TRIM62: variants seen among roughly 807,000 people sequenced by gnomAD.
The protein encoded by TRIM62 is E3 ubiquitin-protein ligase TRIM62.
TRIM62 carries 39 observed loss-of-function variants against 44.2 expected under a neutral mutation model. The observed-to-expected ratio is 0.88, with a 90% CI of 0.68 to 1.15. The LOEUF (loss-of-function observed/expected upper bound fraction) is 1.15. Among genes scored for constraint, TRIM62 ranks in the 50% most tolerant of loss-of-function variants. TRIM62 has a pLI of 0.00. For missense variants in TRIM62, 544 were observed against 665.5 expected, an observed-to-expected ratio of 0.82 and a Z score of 2.01; for synonymous variants, 278 against 292.3, an observed-to-expected ratio of 0.95 and a Z score of 0.50.
intron 1 of TRIM62, among the ~76,000 whole-genome samples, chr1:33,180,622 C>A (rs537921367): frequency 1.1e-4 from 16 of 152,352 alleles, no homozygotes; most frequent in Non-Finnish European, 1.5e-4. Flanking sequence ...CGCGACCTCG[C>A]CCTCAGTCTG....
rs1045083656 is a variant in TRIM62, at chr1:33,169,128, C to T, written c.409-3562G>A. ...GGAGAGATGAGGTGTGAGTCCTAAACGTGATGCCACGAGGTGTGCATGTGT... is the reference window on the plus strand; with the variant it reads ...GGAGAGATGAGGTGTGAGTCCTAAATGTGATGCCACGAGGTGTGCATGTGT... On this transcript the variant is annotated intron_variant, in intron 1 of 4. Transcript: ENST00000291416. Among the ~76,000 whole-genome samples the T allele has an allele frequency of 5.3e-5, 8 of 152,114 alleles. No homozygotes were observed. In the East Asian group the frequency reaches 5.8e-4, roughly 11 times the overall value.
rs1460600917 is a variant in TRIM62 at position 33,177,772 on chromosome 1, CCAAATGT to C, written c.408+3246_408+3252del. 6.6e-6 allele frequency among the ~76,000 whole-genome samples: 1 copy of C among 152,098 alleles called. No homozygotes were observed. Among genetic ancestry groups the C allele is most frequent in the Non-Finnish European group, 1.5e-5 (1 of 68,032 alleles). ...GGCCCTGCACAACAGTTATCTAGCC[CCAAATGT>C]CAATAATGCCGAGTACGATGTAACC... On this transcript the variant is annotated intron_variant, in intron 1 of 4. Transcript: ENST00000291416. This position sits in a 1 kb window ranked among gnomAD's most constrained non-coding sequence, Gnocchi z 4.1.
intron 4 of TRIM62, among the ~76,000 whole-genome samples, chr1:33,149,201 G>A (rs983541598): frequency 1.3e-5 from 2 of 152,280 alleles, no homozygotes; most frequent in Non-Finnish European, 2.9e-5. Flanking sequence ...CCCCCAGGCG[G>A]GAATGCAGTG....
At chr1:33,162,056 C>T (rs116590128) in intron 2 of TRIM62, among the ~76,000 whole-genome samples, 1,669 of 152,266 alleles carry the variant, frequency 0.011, 36 homozygotes, top group African/African-American at 0.038. Flanking sequence ...CTCTGGGGTC[C>T]CACAGGTCTT....
chr1:33,166,444 T>C (rs551666951), intron 1 of TRIM62: 197 of 151,862 alleles, frequency 1.3e-3, no homozygotes, highest in African/African-American at 4.7e-3. Flanking sequence ...AGTCCAATGC[T>C]ACAGACTAGC....
At position 33,181,360 on chromosome 1, in the gene TRIM62, C is replaced by T. The variant is rs1645462623; in HGVS notation, c.73G>A (p.Gly25Ser). The T allele has an allele frequency of 1.5e-5, 24 of 1,595,630 alleles. No homozygotes were observed. The highest frequency in any genetic ancestry group is 2.0e-5 in the Non-Finnish European group (24 of 1,174,350). ...CGGCGGCAGAAGTAATGCTCGCAGCCCAGGCTCACCGGGTCCTGGTAGATG... is the reference window on the plus strand; with the variant it reads ...CGGCGGCAGAAGTAATGCTCGCAGCTCAGGCTCACCGGGTCCTGGTAGATG... ...LSIYQDPVSLGCEHYFCRRCI... is the reference protein window; with the variant it reads ...LSIYQDPVSLSCEHYFCRRCI... The change falls in exon 1 of 5, where the codon GGC becomes AGC. Residue 25 changes from glycine (G) to serine (S), a missense_variant. By Grantham distance (56) the Gly-to-Ser change is moderately conservative. Coordinates refer to ENST00000291416, the MANE Select transcript of TRIM62 (RefSeq NM_018207.3). The surrounding 1 kb of genome is among the most constrained non-coding windows in gnomAD (Gnocchi z 6.5).
intron 4 of TRIM62, among the ~76,000 whole-genome samples, chr1:33,156,555 G>T (rs1251895952): frequency 6.6e-6 from 1 of 152,096 alleles, no homozygotes; most frequent in African/African-American, 2.4e-5. Flanking sequence ...CCTTGGCTGG[G>T]TCCCCCTCTT....
intron 4 of TRIM62, among the ~76,000 whole-genome samples, chr1:33,154,680 C>T (rs1291158912): frequency 6.6e-6 from 1 of 151,560 alleles, no homozygotes; most frequent in Non-Finnish European, 1.5e-5. Context: ...TGCCTGTAAT[C>T]CCAGCTACTT....
At chr1:33,175,854 A>G (rs1295035874) in intron 1 of TRIM62, among the ~76,000 whole-genome samples, 2 of 152,220 alleles carry the variant, frequency 1.3e-5, no homozygotes, top group Non-Finnish European at 2.9e-5. Flanking sequence ...AACTTGGGCT[A>G]TAATTTTATA....
rs1279071499 is a variant in TRIM62, at chr1:33,181,842, G to A, written c.-410C>T. On this transcript the variant is annotated 5_prime_UTR_variant, in exon 1 of 5. Coordinates refer to ENST00000291416, the MANE Select transcript of TRIM62 (RefSeq NM_018207.3). This position sits in a 1 kb window ranked among gnomAD's most constrained non-coding sequence, Gnocchi z 6.5. ...AAATCCCGGGGTGGGGGCGGTGCGG[G>A]GAGGGCGAGAAGCTGGGGATGGGGA... is the stretch of plus-strand genomic sequence containing the variant. Among the ~76,000 whole-genome samples the A allele has an allele frequency of 6.6e-6, 1 of 151,514 alleles. No individual in the cohort carries two copies. The highest frequency in any genetic ancestry group is 1.5e-5 in the Non-Finnish European group (1 of 67,788).
At position 33,159,885 on chromosome 1, in the gene TRIM62, C is replaced by T. The variant is rs374824159; in HGVS notation, c.564G>A (p.Leu188=). Residue 188 remains leucine, a synonymous_variant, in exon 3 of 5, where the codon CTG becomes CTA. Coordinates refer to ENST00000291416, the MANE Select transcript of TRIM62 (RefSeq NM_018207.3). This position sits in a 1 kb window ranked among gnomAD's most constrained non-coding sequence, Gnocchi z 4.2. The part of the protein sequence containing the change: ...IGEAFERLHR[L]LRERQKAMLE... ...GCATGGCCTTCTGGCGTTCACGCAG[C>T]AGCCGGTGCAGCCGCTCGAAGGCCT... is the stretch of plus-strand genomic sequence containing the variant. The T allele has an allele frequency of 8.1e-6, 13 of 1,610,668 alleles. No homozygotes were observed. The East Asian group carries it at 1.1e-4, about 14-fold the overall frequency.
intron 1 of TRIM62, among the ~76,000 whole-genome samples, chr1:33,172,637 T>A (rs951190758): frequency 3.3e-5 from 5 of 152,114 alleles, no homozygotes; most frequent in Non-Finnish European, 5.9e-5. Flanking sequence ...AGCACACAGT[T>A]ATGCAAATAT....
chr1:33,146,781 G>GTGC lies in TRIM62; in HGVS notation c.*393_*395dup, dbSNP rs1645026138. On this transcript the variant is annotated 3_prime_UTR_variant, in exon 5 of 5. Coordinates refer to ENST00000291416, the MANE Select transcript of TRIM62 (RefSeq NM_018207.3). ...GTCTTAGGCCATGGGACATAAGAGGGTGCTGTGTGTCTTTCGGGCTGCCAA... is the reference window on the plus strand; with the variant it reads ...GTCTTAGGCCATGGGACATAAGAGGGTGCTGCTGTGTGTCTTTCGGGCTGCCAA... 2 of 267,326 alleles carry GTGC rather than the reference G, an allele frequency of 7.5e-6. No individual in the cohort carries two copies. 16.6% of individuals were successfully genotyped at this position (267,326 alleles called of 1,614,324 possible).
intron 1 of TRIM62, among the ~76,000 whole-genome samples, chr1:33,179,508 C>T (rs989047030): frequency 1.3e-5 from 2 of 152,190 alleles, no homozygotes; most frequent in African/African-American, 4.8e-5. Flanking sequence ...GAGCTCATTA[C>T]CTCCCAAGTT....
chr1:33,147,132 C>A lies in TRIM62; in HGVS notation c.*45G>T. ...TTCTATCTCCTGGGCAGGGCTCTTG[C>A]AGGTGGCAGTGGTCCCAGGAGGTTG... On this transcript the variant is annotated 3_prime_UTR_variant, in exon 5 of 5. Coordinates refer to ENST00000291416, the MANE Select transcript of TRIM62 (RefSeq NM_018207.3). The surrounding 1 kb of genome is among the most constrained non-coding windows in gnomAD (Gnocchi z 8.1). 6.3e-7 allele frequency: 1 copy of A among 1,587,884 alleles called. No homozygotes were observed.
At chr1:33,175,940 A>G (rs925423529) in intron 1 of TRIM62, among the ~76,000 whole-genome samples, 10 of 152,160 alleles carry the variant, frequency 6.6e-5, no homozygotes, top group African/African-American at 2.2e-4. Flanking sequence ...GGGGTCCCCA[A>G]TGTTGGCCCT....
intron 3 of TRIM62, among the ~76,000 whole-genome samples, chr1:33,158,827 CAG>C (rs1479359234): frequency 6.6e-6 from 1 of 151,724 alleles, no homozygotes; most frequent in African/African-American, 2.4e-5. Flanking sequence ...TTCAGAGCCT[CAG>C]TTTTTTTCTT....
intron 1 of TRIM62, among the ~76,000 whole-genome samples, chr1:33,166,989 A>G (rs930723867): frequency 2.6e-5 from 4 of 152,052 alleles, no homozygotes; most frequent in Non-Finnish European, 4.4e-5. Flanking sequence ...TCTGTCTCCA[A>G]CACCCTCCCC....
chr1:33,179,741 C>T (rs1645446209), intron 1 of TRIM62, among the ~76,000 whole-genome samples: 1 of 152,108 alleles, frequency 6.6e-6, no homozygotes, highest in African/African-American at 2.4e-5. Context: ...CGACTAGTAT[C>T]CCAAAGCCAG....
Sources: allele counts gnomAD v4.1 joint callset (sites outside exome capture counted in the v4.1 genomes callset), GRCh38; gene constraint gnomAD v4.1.1; non-coding constraint Gnocchi (gnomAD v3.1); transcripts MANE v1.5; gene names NCBI Gene and HGNC (gene_info 2026-07-23, HGNC 2026-07-21).